Variants in KIF2C observed in about 807,000 individuals in gnomAD.
The protein encoded by KIF2C is kinesin-like protein KIF2C.
KIF2C carries 34 observed loss-of-function variants against 97.4 expected under a neutral mutation model. That is an observed-to-expected ratio of 0.35 (90% CI 0.27 to 0.46). The LOEUF is 0.46. KIF2C is among the 20% of genes least tolerant of loss of function. The pLI is 1.00. For missense variants in KIF2C, 750 were observed against 907.6 expected (o/e 0.83, Z 2.23); for synonymous variants, 313 against 318.2 (o/e 0.98, Z 0.17).
At chr1:44,745,900 G>A (rs948248707) in intron 2 of KIF2C, among the ~76,000 whole-genome samples, 29 of 151,166 alleles carry the variant, frequency 1.9e-4, no homozygotes, top group Non-Finnish European at 3.5e-4. Flanking sequence ...TTTTTGAGAC[G>A]GAGTCTCGCT....
chr1:44,757,969 C>T lies in KIF2C; in HGVS notation c.1130C>T (p.Ala377Val). 1.2e-6 allele frequency: 2 copies of T among 1,614,164 alleles called. No homozygotes were observed. The highest frequency in any genetic ancestry group is 1.7e-6 in the Non-Finnish European group (2 of 1,180,004). ...GCATCCAAAGGGATCTATGCCATGGCCTGTAAGTACTGTGTACTGCTGCTT... is the reference window on the plus strand; with the variant it reads ...GCATCCAAAGGGATCTATGCCATGGTCTGTAAGTACTGTGTACTGCTGCTT... ...QNASKGIYAM[A>V]SRDVFLLKNQ... The change falls in exon 12 of 21, where the codon GCC (alanine) becomes GTC (valine). Residue 377 changes from alanine to valine, a missense_variant and splice_region_variant. Ala to Val is a moderately conservative substitution (Grantham distance 64). Transcript: ENST00000372224.
chr1:44,757,776 T>G, intron 11 of KIF2C, 130 bp downstream of exon 11: 1 of 1,126,172 alleles, frequency 8.9e-7, no homozygotes, highest in Non-Finnish European at 1.3e-6. Context: ...AGCCTTGCCA[T>G]GTCAGATGCA....
At chr1:44,755,800 C>T in intron 8 of KIF2C, 129 bp from the exon 9 acceptor site, 3 of 747,374 alleles carry the variant, frequency 4.0e-6, no homozygotes, top group South Asian at 1.6e-5. Flanking sequence ...ATGCAGGGGT[C>T]CTAGTGTTAG....
intron 3 of KIF2C, 39 bp downstream of exon 3, chr1:44,747,524 G>A: frequency 1.3e-6 from 2 of 1,583,484 alleles, no homozygotes; most frequent in East Asian, 2.2e-5. Context: ...GTGCGCCAGA[G>A]AATTCACTTT....
intron 1 of KIF2C, among the ~76,000 whole-genome samples, chr1:44,740,429 T>C (rs1648875677): frequency 2.0e-5 from 3 of 152,150 alleles, no homozygotes; most frequent in African/African-American, 4.8e-5. Context: ...GAGCTTGTAG[T>C]CGTTCTCTCT....
chr1:44,740,015 G>A lies in KIF2C; in HGVS notation c.70+13G>A. 2 of 1,614,188 alleles carry A rather than the reference G, an allele frequency of 1.2e-6. No individual in the cohort carries two copies. Among genetic ancestry groups the A allele is most frequent in the Non-Finnish European group, 1.7e-6 (2 of 1,180,018 alleles). ...CAACGCAGTAATGGTGAGGAGCGGG[G>A]TCCCTAGGTCAAGGGGACTCGTGAG... On this transcript the variant is annotated intron_variant, in intron 1 of 20. Coordinates refer to ENST00000372224, the MANE Select transcript of KIF2C (RefSeq NM_006845.4).
intron 19 of KIF2C, among the ~76,000 whole-genome samples, chr1:44,765,803 G>A (rs1341320532): frequency 1.3e-5 from 2 of 152,116 alleles, no homozygotes; most frequent in Non-Finnish European, 2.9e-5. Context: ...TGTAATCCTA[G>A]CACTTTAGGA....
chr1:44,754,653 AG>A, intron 7 of KIF2C, 96 bp from the exon 8 acceptor site: 1 of 794,304 alleles, frequency 1.3e-6, no homozygotes, highest in Non-Finnish European at 2.3e-6. Flanking sequence ...ACAACTATGA[AG>A]GGTGGTGAGC....
At chr1:44,754,975 G>C (rs1226014650) in intron 8 of KIF2C, 130 bp downstream of exon 8, 1 of 611,018 alleles carries the variant, frequency 1.6e-6, no homozygotes, top group Non-Finnish European at 2.9e-6. Context: ...TTTTTTTTGA[G>C]ATGGGGTCTC....
In KIF2C at chr1:44,760,817, C is replaced by A; in HGVS notation, c.1683+115C>A. 1.3e-6 allele frequency: 1 copy of A among 799,578 alleles called. No individual in the cohort carries two copies. The highest frequency in any genetic ancestry group is 2.1e-6 in the Non-Finnish European group (1 of 482,008). 49.5% of individuals were successfully genotyped at this position (799,578 alleles called of 1,614,324 possible). On this transcript the variant is annotated intron_variant, in intron 16 of 20. Coordinates refer to ENST00000372224, the MANE Select transcript of KIF2C (RefSeq NM_006845.4). This position sits in a 1 kb window ranked among gnomAD's most constrained non-coding sequence, Gnocchi z 4.2. ...TCAGCACTGCTGGCTGCCTGGGTTTCCAGGCTGTACCGTGACTGGGCTTCC... is the reference window on the plus strand; with the variant it reads ...TCAGCACTGCTGGCTGCCTGGGTTTACAGGCTGTACCGTGACTGGGCTTCC...
At chr1:44,744,979 C>A (rs562547230) in intron 2 of KIF2C, among the ~76,000 whole-genome samples, 1 of 152,174 alleles carries the variant, frequency 6.6e-6, no homozygotes, top group South Asian at 2.1e-4. Context: ...CACCTGAGGT[C>A]AGGAGCTCAA....
rs1183312427 is a variant in KIF2C at position 44,760,920 on chromosome 1, T to C, written c.1683+218T>C. The C allele has an allele frequency of 5.6e-6, 3 of 532,182 alleles. No homozygotes were observed. The East Asian group carries it at 9.9e-5, about 17-fold the overall frequency. 33.0% of individuals were successfully genotyped at this position (532,182 alleles called of 1,614,324 possible). Reference sequence around the variant, plus strand: ...AAGGATCTATTCCCTTTAAGATGTGTAGGTGCAGCTCTTGGTTTGGGAGAG... The same window carrying C: ...AAGGATCTATTCCCTTTAAGATGTGCAGGTGCAGCTCTTGGTTTGGGAGAG... On this transcript the variant is annotated intron_variant, in intron 16 of 20. Transcript: ENST00000372224. The surrounding 1 kb of genome is among the most constrained non-coding windows in gnomAD (Gnocchi z 4.2).
rs763099451 is a variant in KIF2C at position 44,753,246 on chromosome 1, T to C, written c.554T>C (p.Val185Ala). ...SIRGSSSANP[V>A]NSVRRKSCLV... ...CGAGGCAGCTCTTCTGCAAACCCTG[T>C]GAACTCAGGTAGACACACTGAGCTG... Residue 185 changes from valine (V) to alanine (A), a missense_variant, in exon 6 of 21, where the codon GTG becomes GCG. Physicochemically the swap from Val to Ala is moderately conservative, Grantham distance 64. Coordinates refer to ENST00000372224, the MANE Select transcript of KIF2C (RefSeq NM_006845.4). 6.8e-6 allele frequency: 11 copies of C among 1,613,110 alleles called. No individual in the cohort carries two copies. The South Asian group carries it at 1.2e-4, about 18-fold the overall frequency.
chr1:44,750,330 C>T, intron 4 of KIF2C, 112 bp from the exon 5 acceptor site: 2 of 1,171,158 alleles, frequency 1.7e-6, no homozygotes, highest in South Asian at 7.0e-5. Context: ...GTTGGCGAGC[C>T]CCTTTCCTGG....
At position 44,753,135 on chromosome 1, in the gene KIF2C, C is replaced by T. The variant is rs1408719093; in HGVS notation, c.443C>T (p.Ala148Val). Reference protein sequence around the residue: ...NSRKQFSVPPAPTRPSCPAVA... With the variant: ...NSRKQFSVPPVPTRPSCPAVA... Reference sequence around the variant, plus strand: ...AGTGACTCTTGTTCCCCTACAGCTGCCCCCACTAGGCCTTCCTGCCCTGCA... The same window carrying T: ...AGTGACTCTTGTTCCCCTACAGCTGTCCCCACTAGGCCTTCCTGCCCTGCA... The change falls in exon 6 of 21, where the codon GCC becomes GTC. Residue 148 changes from alanine (A) to valine (V), a missense_variant. Transcript: ENST00000372224. 1.2e-6 allele frequency: 2 copies of T among 1,611,052 alleles called. No homozygotes were observed. The highest frequency in any genetic ancestry group is 1.7e-5 in the Admixed American group (1 of 59,892).
At chr1:44,753,538 T>C (rs1046642319) in intron 6 of KIF2C, among the ~76,000 whole-genome samples, 195 bp from the exon 7 acceptor site, 2 of 152,150 alleles carry the variant, frequency 1.3e-5, no homozygotes, top group Middle Eastern at 3.2e-3. Flanking sequence ...GGCCACTACT[T>C]TGTGGACTTG....
intron 19 of KIF2C, among the ~76,000 whole-genome samples, chr1:44,765,536 AAG>A (rs1650412615): frequency 6.6e-6 from 1 of 152,180 alleles, no homozygotes; most frequent in Admixed American, 6.6e-5. Context: ...AGTACGGTGA[AAG>A]AATAAAGTCA....
At chr1:44,743,292 G>A (rs1326666034) in intron 2 of KIF2C, among the ~76,000 whole-genome samples, 1 of 152,186 alleles carries the variant, frequency 6.6e-6, no homozygotes, top group Non-Finnish European at 1.5e-5. Flanking sequence ...ACTGCTTTGT[G>A]TTCTCAGGCA....
intron 1 of KIF2C, 133 bp from the exon 2 acceptor site, chr1:44,740,779 GT>G (rs11403922): frequency 0.17 from 41,741 of 249,568 alleles, 1,701 homozygotes; most frequent in East Asian, 0.22. Flanking sequence ...GTTTCTCTTA[GT>G]TTTTTTTTTT....
Sources: allele counts gnomAD v4.1 joint callset (sites outside exome capture counted in the v4.1 genomes callset), GRCh38; gene constraint gnomAD v4.1.1; non-coding constraint Gnocchi (gnomAD v3.1); transcripts MANE v1.5; gene names NCBI Gene and HGNC (gene_info 2026-07-23, HGNC 2026-07-21).